The following SULT6B1 variants were observed in gnomAD, a reference collection of about 807,000 sequenced individuals.
SULT6B1 encodes the protein sulfotransferase family 6B member 1.
Under a neutral mutation model 37.2 loss-of-function variants are expected in SULT6B1, and 44 were observed. That is an observed-to-expected ratio of 1.18 (90% CI 0.93 to 1.52). SULT6B1 has a LOEUF of 1.52. Among genes scored for constraint, SULT6B1 ranks in the 40% most tolerant of loss-of-function variants. The pLI is 0.00. For missense variants in SULT6B1, 450 were observed against 361.0 expected (o/e 1.25, Z -2.00); for synonymous variants, 140 against 126.0 (o/e 1.11, Z -0.74).
At chr2:37,194,469 C>T (rs1676850697) in intron 1 of SULT6B1, 1 of 421,948 alleles carries the variant, frequency 2.4e-6, no homozygotes, top group Admixed American at 2.6e-5. Flanking sequence ...TCATTACATC[C>T]TCTGGACAGC....
In SULT6B1 at chr2:37,188,531, A is replaced by T; in HGVS notation, c.110T>A (p.Ile37Asn). Residue 37 changes from isoleucine (I) to asparagine (N), a missense_variant, in exon 1 of 7, where the codon ATC becomes AAC. Transcript: ENST00000535679. ...FFTYQGIPYP[I>N]TMCTSETFQA... The stretch of plus-strand genomic sequence containing the variant: ...GAAAGTTTCTGAGGTGCACATGGTG[A>T]TGGGGTAAGGAATCCCCTGATAGGT... 6.2e-7 allele frequency: 1 copy of T among 1,614,164 alleles called. No individual in the cohort carries two copies. The highest frequency in any genetic ancestry group is 1.1e-5 in the South Asian group (1 of 91,088).
upstream of SULT6B1, among the ~76,000 whole-genome samples, chr2:37,189,192 A>G (rs1441802972): frequency 6.6e-6 from 1 of 152,192 alleles, no homozygotes. Flanking sequence ...TGACTCTACC[A>G]TTTACTAGTT....
At chr2:37,194,040 C>G (rs184933129) in intron 1 of SULT6B1, among the ~76,000 whole-genome samples, 1 of 152,298 alleles carries the variant, frequency 6.6e-6, no homozygotes, top group African/African-American at 2.4e-5. Flanking sequence ...CTGCAGAAAT[C>G]ATGACATTTC....
intron 4 of SULT6B1, among the ~76,000 whole-genome samples, chr2:37,176,491 T>G (rs6710013): frequency 0.14 from 21,428 of 151,894 alleles, 2,585 homozygotes; most frequent in African/African-American, 0.33. Flanking sequence ...AACTCCTGAC[T>G]TCAGGTGATC....
At chr2:37,168,198 T>C in intron 6 of SULT6B1, 133 bp from the exon 7 acceptor site, 2 of 912,138 alleles carry the variant, frequency 2.2e-6, no homozygotes, top group Admixed American at 3.9e-5. Context: ...ACTCTTTATT[T>C]AGTTTTTTTC....
chr2:37,174,443 C>G (rs957662132), intron 5 of SULT6B1, among the ~76,000 whole-genome samples: 2 of 151,794 alleles, frequency 1.3e-5, no homozygotes, highest in African/African-American at 2.4e-5. Context: ...AGTGATCCCC[C>G]TGCCTCAGCC....
upstream of SULT6B1, among the ~76,000 whole-genome samples, chr2:37,189,071 T>A (rs891838190): frequency 4.6e-5 from 7 of 152,220 alleles, no homozygotes; most frequent in Middle Eastern, 3.4e-3. Flanking sequence ...AGCAATGGGA[T>A]TGTGAGGTAA....
chr2:37,191,633 G>C (rs1053748657), upstream of SULT6B1, among the ~76,000 whole-genome samples: 5 of 152,226 alleles, frequency 3.3e-5, no homozygotes, highest in African/African-American at 1.2e-4. Flanking sequence ...GGGCAGAGAA[G>C]AGTTTTATTG....
chr2:37,168,076 C>A lies in SULT6B1; in HGVS notation c.782-11G>T. On this transcript the variant is annotated splice_polypyrimidine_tract_variant and intron_variant, in intron 6 of 6. Transcript: ENST00000535679. ...AATCACCAACTTCACCTACAACACA[C>A]AAAAAACAGTAGACCCAGATATCTG... is the stretch of plus-strand genomic sequence containing the variant. 1.3e-6 allele frequency: 2 copies of A among 1,569,558 alleles called. No homozygotes were observed. Among genetic ancestry groups the A allele is most frequent in the Non-Finnish European group, 8.6e-7 (1 of 1,166,258 alleles).
chr2:37,195,232 G>T (rs924961669), intron 1 of SULT6B1, among the ~76,000 whole-genome samples: 3 of 152,228 alleles, frequency 2.0e-5, no homozygotes, highest in African/African-American at 7.2e-5. Context: ...TTACAGGTGT[G>T]AGCCACCGCA....
chr2:37,175,259 G>C, intron 4 of SULT6B1, 33 bp from the exon 5 acceptor site: 1 of 1,257,904 alleles, frequency 7.9e-7, no homozygotes, highest in Non-Finnish European at 1.1e-6. Flanking sequence ...TTTAAGAAAT[G>C]TCAAATAACT....
At chr2:37,184,048 T>C (rs1479329805) in intron 2 of SULT6B1, among the ~76,000 whole-genome samples, 3 of 152,236 alleles carry the variant, frequency 2.0e-5, no homozygotes, top group Non-Finnish European at 2.9e-5. Context: ...TGTACCCTGC[T>C]TACCATTTCC....
chr2:37,193,116 T>A (rs1676815027), upstream of SULT6B1, among the ~76,000 whole-genome samples: 1 of 152,156 alleles, frequency 6.6e-6, no homozygotes, highest in Non-Finnish European at 1.5e-5. Context: ...TTGCCAGCTG[T>A]GGCCTGGCTC....
chr2:37,170,168 A>G (rs1676262240), intron 6 of SULT6B1, among the ~76,000 whole-genome samples: 1 of 152,194 alleles, frequency 6.6e-6, no homozygotes, highest in Admixed American at 6.5e-5. Context: ...TGGCCAATGA[A>G]ATGTAAGAAG....
intron 3 of SULT6B1, 36 bp from the exon 4 acceptor site, chr2:37,179,620 T>C: frequency 6.3e-7 from 1 of 1,595,044 alleles, no homozygotes; most frequent in Non-Finnish European, 8.5e-7. Context: ...TATTTGGGTC[T>C]ATGTTTTGAA....
In SULT6B1 at chr2:37,188,641, G is replaced by A. The variant is rs1234387775; in HGVS notation, c.-1C>T. ...CAATAAATTTGGATTTATCAGCCAT[G>A]GTGGCTCCCTGTAAAAGAACCTGCT... On this transcript the variant is annotated 5_prime_UTR_variant, in exon 1 of 7. Transcript: ENST00000535679. 8.9e-7 allele frequency: 1 copy of A among 1,126,256 alleles called. No individual in the cohort carries two copies. 69.8% of individuals were successfully genotyped at this position (1,126,256 alleles called of 1,614,324 possible).
At position 37,172,137 on chromosome 2, in the gene SULT6B1, A is replaced by G. The variant is rs77219433; in HGVS notation, c.625-547T>C. 4.5e-3 allele frequency among the ~76,000 whole-genome samples: 690 copies of G among 151,800 alleles called. 4 individuals are homozygous for G. The highest frequency in any genetic ancestry group is 7.4e-3 in the Non-Finnish European group (506 of 67,964). ...ACAATCACGGCTCACTGCAGCCTGGACTTCCTGGGCTCCAGCAATCCTCAC... is the reference window on the plus strand; with the variant it reads ...ACAATCACGGCTCACTGCAGCCTGGGCTTCCTGGGCTCCAGCAATCCTCAC... On this transcript the variant is annotated intron_variant, in intron 5 of 6. Coordinates refer to ENST00000535679, the MANE Select transcript of SULT6B1 (RefSeq NM_001367551.1).
At chr2:37,170,269 C>T (rs1676264410) in intron 6 of SULT6B1, among the ~76,000 whole-genome samples, 1 of 151,356 alleles carries the variant, frequency 6.6e-6, no homozygotes, top group African/African-American at 2.4e-5. Flanking sequence ...GAGTTCAAGA[C>T]CAGTCTGGCC....
upstream of SULT6B1, among the ~76,000 whole-genome samples, chr2:37,193,360 G>A (rs998642547): frequency 1.3e-5 from 2 of 151,792 alleles, no homozygotes; most frequent in African/African-American, 4.8e-5. Context: ...TACTTGGGAG[G>A]CCAAGGCAAG....
Sources: allele counts gnomAD v4.1 joint callset (sites outside exome capture counted in the v4.1 genomes callset), GRCh38; gene constraint gnomAD v4.1.1; transcripts MANE v1.5; gene names NCBI Gene and HGNC (gene_info 2026-07-23, HGNC 2026-07-21).